The following E2F7 variants were observed in gnomAD, a reference collection of about 807,000 sequenced individuals.
E2F7 encodes transcription factor E2F7.
In E2F7, 35 loss-of-function variants were observed where a neutral mutation model predicts 81.1. The ratio of observed to expected loss-of-function variants is 0.43; its 90% CI spans 0.33 to 0.57. The LOEUF is 0.57. Ranked by LOEUF, E2F7 falls within the 20% of genes least tolerant of loss-of-function variation. The pLI is 0.04. For synonymous variants in E2F7, 416 were observed against 416.2 expected, an observed-to-expected ratio of 1.00 and a Z score of 0.01; for missense variants, 961 against 1,093.7, an observed-to-expected ratio of 0.88 and a Z score of 1.71.
chr12:77,062,804 A>G (rs1358969854), intron 2 of E2F7, among the ~76,000 whole-genome samples: 1 of 151,878 alleles, frequency 6.6e-6, no homozygotes, highest in Non-Finnish European at 1.5e-5. Context: ...AGGAAAACAA[A>G]GTTTTGCTCT....
At chr12:77,052,833 C>A (rs898985400) in intron 3 of E2F7, among the ~76,000 whole-genome samples, 100 of 151,290 alleles carry the variant, frequency 6.6e-4, no homozygotes, top group African/African-American at 2.1e-3. Flanking sequence ...CAAAAAAAAA[C>A]CAATTAAAAT....
chr12:77,053,683 A>G (rs7976940), intron 3 of E2F7, among the ~76,000 whole-genome samples: 8,815 of 152,300 alleles, frequency 0.058, 321 homozygotes, highest in Middle Eastern at 0.11. Flanking sequence ...AAATGGCTAT[A>G]AACAGGAGAA....
At chr12:77,064,516 G>C in intron 2 of E2F7, 27 bp downstream of exon 2, 1 of 1,583,408 alleles carries the variant, frequency 6.3e-7, no homozygotes, top group Non-Finnish European at 8.7e-7. Context: ...TAACATATTA[G>C]AAACTAAGGT....
chr12:77,053,620 C>T (rs866823343), intron 3 of E2F7, among the ~76,000 whole-genome samples: 1 of 152,322 alleles, frequency 6.6e-6, no homozygotes, highest in South Asian at 2.1e-4. Context: ...CAGACATAAA[C>T]AAGAACGAAT....
Position 77,055,833 on chromosome 12 carries a change from C to T in E2F7, c.369+22G>A, listed in dbSNP as rs188859636. On this transcript the variant is annotated intron_variant, in intron 3 of 12. Transcript: ENST00000322886. ...AAATTGTTTAAGTTCTAAAAAATCC[C>T]TGAGGAGCACAGTCTGTTTACCTGT... is the stretch of plus-strand genomic sequence containing the variant. The T allele has an allele frequency of 7.4e-4, 1,151 of 1,546,124 alleles. 11 individuals carry two copies. In the African/African-American group the frequency reaches 0.014, roughly 19 times the overall value.
At position 77,023,987 on chromosome 12, in the gene E2F7, T is replaced by A. The variant is rs1315876089; in HGVS notation, c.*28A>T. ...CATCCGGGACTCTCAGGGCGTTTGATCCCACCCCCACCTGGCAAAGCGGCA... is the reference window on the plus strand; with the variant it reads ...CATCCGGGACTCTCAGGGCGTTTGAACCCACCCCCACCTGGCAAAGCGGCA... On this transcript the variant is annotated 3_prime_UTR_variant, in exon 13 of 13. Transcript: ENST00000322886. 2 of 1,609,518 alleles carry A rather than the reference T, an allele frequency of 1.2e-6. No homozygotes were observed. The highest frequency in any genetic ancestry group is 1.7e-6 in the Non-Finnish European group (2 of 1,178,472).
intron 9 of E2F7, among the ~76,000 whole-genome samples, chr12:77,032,498 A>C (rs1456793536): frequency 6.6e-6 from 1 of 152,162 alleles, no homozygotes; most frequent in Non-Finnish European, 1.5e-5. Flanking sequence ...GATTTCTTTC[A>C]AAATTGGGCC....
At chr12:77,032,961 TTTC>T in intron 9 of E2F7, 86 bp downstream of exon 9, 2 of 1,278,834 alleles carry the variant, frequency 1.6e-6, no homozygotes, top group Non-Finnish European at 2.2e-6. Flanking sequence ...ACCTAAATTT[TTTC>T]TTTTGATGGG....
intron 9 of E2F7, among the ~76,000 whole-genome samples, chr12:77,031,513 C>T (rs186868155): frequency 7.3e-4 from 111 of 152,172 alleles, no homozygotes; most frequent in African/African-American, 2.3e-3. Flanking sequence ...TGGTGGCACA[C>T]GCCTGTAATC....
chr12:77,033,409 G>A (rs572169594), intron 8 of E2F7, among the ~76,000 whole-genome samples: 251 of 152,290 alleles, frequency 1.6e-3, no homozygotes, highest in African/African-American at 5.8e-3. Context: ...CTACTTGGGA[G>A]GCTGAGGTGG....
intron 6 of E2F7, 62 bp from the exon 7 acceptor site, chr12:77,043,261 T>C: frequency 6.2e-7 from 1 of 1,603,432 alleles, no homozygotes; most frequent in Non-Finnish European, 8.5e-7. Context: ...GTTTAGTTTA[T>C]GTGACAGGTA....
In E2F7 at chr12:77,046,297, T is replaced by C; in HGVS notation, c.570A>G (p.Val190=). The change falls in exon 5 of 13, where the codon GTA becomes GTG. Residue 190 remains valine (V), a synonymous_variant. Coordinates refer to ENST00000322886, the MANE Select transcript of E2F7 (RefSeq NM_203394.3). The part of the protein sequence containing the change: ...GVERRRIYDI[V]NVLESLHLVS... ...CCAGATGCAGCGACTCCAGCACATT[T>C]ACAATGTCATAGATGCGTCTCCTTT... 1 of 1,614,118 alleles carries C rather than the reference T, an allele frequency of 6.2e-7. No homozygotes were observed. Among genetic ancestry groups the C allele is most frequent in the Non-Finnish European group, 8.5e-7 (1 of 1,180,004 alleles).
intron 7 of E2F7, among the ~76,000 whole-genome samples, chr12:77,040,263 C>A (rs1412185327): frequency 1.3e-5 from 2 of 152,136 alleles, no homozygotes; most frequent in Non-Finnish European, 2.9e-5. Context: ...TTATATAACA[C>A]ATGTATATTC....
intron 7 of E2F7, among the ~76,000 whole-genome samples, chr12:77,036,485 A>G (rs1285547792): frequency 2.0e-5 from 3 of 152,046 alleles, no homozygotes; most frequent in Non-Finnish European, 2.9e-5. Flanking sequence ...TGATCATGCC[A>G]TCGCGCCACT....
chr12:77,061,523 C>A (rs948252955), intron 2 of E2F7, among the ~76,000 whole-genome samples: 1 of 152,226 alleles, frequency 6.6e-6, no homozygotes, highest in Non-Finnish European at 1.5e-5. Flanking sequence ...TTGGCCCAGA[C>A]TGTTTTCCAC....
At position 77,023,834 on chromosome 12, in the gene E2F7, T is replaced by G. The variant is rs759482318; in HGVS notation, c.*181A>C. 1.4e-6 allele frequency: 1 copy of G among 723,612 alleles called. No individual in the cohort carries two copies. The highest frequency in any genetic ancestry group is 2.2e-6 in the Non-Finnish European group (1 of 459,578). 44.8% of individuals were successfully genotyped at this position (723,612 alleles called of 1,614,324 possible). ...TGCAGAGTCGGAACTCTAACTGGTA[T>G]TAAATGCACAATTAATTACTTTCAG... On this transcript the variant is annotated 3_prime_UTR_variant, in exon 13 of 13. Coordinates refer to ENST00000322886, the MANE Select transcript of E2F7 (RefSeq NM_203394.3).
intron 7 of E2F7, among the ~76,000 whole-genome samples, chr12:77,041,213 C>T (rs12318694): frequency 0.035 from 5,299 of 152,174 alleles, 108 homozygotes; most frequent in Middle Eastern, 0.082. Flanking sequence ...TTTTTTGAGA[C>T]GGAGTTTCAC....
intron 3 of E2F7, among the ~76,000 whole-genome samples, chr12:77,055,611 C>T (rs1291843293): frequency 1.3e-5 from 2 of 151,998 alleles, no homozygotes; most frequent in African/African-American, 2.4e-5. Context: ...GATTAAATAT[C>T]ATTACTTTAA....
chr12:77,036,541 AAT>A (rs1954851019), intron 7 of E2F7, among the ~76,000 whole-genome samples: 1 of 151,464 alleles, frequency 6.6e-6, no homozygotes, highest in Non-Finnish European at 1.5e-5. Flanking sequence ...CTCCAAAAAA[AAT>A]AAAATAAATT....
Sources: allele counts gnomAD v4.1 joint callset (sites outside exome capture counted in the v4.1 genomes callset), GRCh38; gene constraint gnomAD v4.1.1; transcripts MANE v1.5; gene names NCBI Gene and HGNC (gene_info 2026-07-23, HGNC 2026-07-21).